GNA14: variants seen among roughly 807,000 people sequenced by gnomAD.
GNA14 encodes guanine nucleotide-binding protein subunit alpha-14.
Under a neutral mutation model 42.0 loss-of-function variants are expected in GNA14, and 50 were observed. The observed-to-expected ratio is 1.19, with a 90% CI of 0.95 to 1.51. The LOEUF (loss-of-function observed/expected upper bound fraction) is 1.51. Among genes scored for constraint, GNA14 ranks in the 40% most tolerant of loss-of-function variants. GNA14 has a pLI of 0.00. For synonymous variants in GNA14, 173 were observed against 163.1 expected (o/e 1.06, Z -0.46); for missense variants, 473 against 446.2 (o/e 1.06, Z -0.54).
intron 2 of GNA14, among the ~76,000 whole-genome samples, chr9:77,466,233 T>C (rs977163449): frequency 2.0e-5 from 3 of 152,224 alleles, no homozygotes; most frequent in African/African-American, 7.2e-5. Flanking sequence ...TTGTCCTGCA[T>C]TCCATATGCA....
intron 1 of GNA14, among the ~76,000 whole-genome samples, chr9:77,564,296 T>TAA (rs71358612): frequency 0.35 from 47,404 of 134,316 alleles, 9,070 homozygotes; most frequent in East Asian, 0.53. Flanking sequence ...CAGCACAATT[T>TAA]AAAAAAAAAA....
At chr9:77,580,551 G>C (rs1210688890) in intron 1 of GNA14, 1 of 495,870 alleles carries the variant, frequency 2.0e-6, no homozygotes, top group Non-Finnish European at 3.9e-6. Context: ...TCCACCAGAT[G>C]TTCCTATTAA....
intron 1 of GNA14, among the ~76,000 whole-genome samples, chr9:77,537,093 T>C (rs1837607503): frequency 6.6e-6 from 1 of 152,180 alleles, no homozygotes; most frequent in Non-Finnish European, 1.5e-5. Flanking sequence ...TTTCAAGTCC[T>C]CTCTTCTAGC....
At chr9:77,489,789 G>T in intron 2 of GNA14, among the ~76,000 whole-genome samples, 1 of 152,184 alleles carries the variant, frequency 6.6e-6, no homozygotes, top group East Asian at 1.9e-4. Flanking sequence ...TGAAGCTGCA[G>T]ATCTTCGTGG....
intron 1 of GNA14, among the ~76,000 whole-genome samples, chr9:77,595,534 G>A (rs1033211445): frequency 6.6e-6 from 1 of 152,150 alleles, no homozygotes; most frequent in African/African-American, 2.4e-5. Flanking sequence ...TTAGGAAGGG[G>A]CACCAGTGGG....
At chr9:77,569,892 C>T (rs976644065) in intron 1 of GNA14, among the ~76,000 whole-genome samples, 1 of 151,938 alleles carries the variant, frequency 6.6e-6, no homozygotes, top group Non-Finnish European at 1.5e-5. Context: ...TCAGCCTCCC[C>T]AACAGCTGGG....
intron 1 of GNA14, among the ~76,000 whole-genome samples, chr9:77,547,364 G>C (rs1337463197): frequency 1.3e-5 from 2 of 152,178 alleles, no homozygotes; most frequent in African/African-American, 4.8e-5. Flanking sequence ...TATCTTCAAA[G>C]GCTGTAATTA....
chr9:77,616,087 G>T (rs1823811653), intron 1 of GNA14, among the ~76,000 whole-genome samples: 1 of 152,108 alleles, frequency 6.6e-6, no homozygotes. Context: ...TTTATGTTGG[G>T]ATACAAGTAA....
At chr9:77,538,744 A>G (rs1837627000) in intron 1 of GNA14, among the ~76,000 whole-genome samples, 1 of 152,154 alleles carries the variant, frequency 6.6e-6, no homozygotes, top group Non-Finnish European at 1.5e-5. Flanking sequence ...CAATTGGTGT[A>G]TAGATATGGT....
chr9:77,493,739 T>C (rs1473813299), intron 2 of GNA14, among the ~76,000 whole-genome samples: 1 of 152,200 alleles, frequency 6.6e-6, no homozygotes, highest in Non-Finnish European at 1.5e-5. Flanking sequence ...CTTTGGGTTA[T>C]TATTTGTTTT....
At chr9:77,602,017 T>C (rs1823574905) in intron 1 of GNA14, among the ~76,000 whole-genome samples, 1 of 152,194 alleles carries the variant, frequency 6.6e-6, no homozygotes, top group African/African-American at 2.4e-5. Context: ...ATTCTGAGCA[T>C]TTTTCAACAG....
chr9:77,529,077 G>A lies in GNA14; in HGVS notation c.301C>T (p.Gln101Ter), dbSNP rs749990865. 1.2e-5 allele frequency: 20 copies of A among 1,613,930 alleles called. No homozygotes were observed. In the South Asian group the frequency reaches 2.1e-4, roughly 17 times the overall value. ...CTCCCTAAGCACGTTACCTTATTCT[G>A]TTCACACACATACTGTATCCTTAGC... ...DTLRIQYVCE[Q>*]NKENAQIIRE... The change falls in exon 2 of 7, where the codon CAG (glutamine) becomes TAG (stop). Residue 101 changes from glutamine (Q) to a stop codon, truncating the protein, a stop_gained. Transcript: ENST00000341700. LOFTEE classifies it high-confidence loss of function.
At chr9:77,525,742 G>T (rs569992323) in intron 2 of GNA14, among the ~76,000 whole-genome samples, 8 of 151,558 alleles carry the variant, frequency 5.3e-5, no homozygotes, top group African/African-American at 1.9e-4. Context: ...GTTTCACCGC[G>T]TTAGCCAGGA....
rs903956008 is a variant in GNA14 at position 77,423,578 on chromosome 9, A to G, written c.*401T>C. 6.5e-6 allele frequency: 1 copy of G among 152,806 alleles called. No individual in the cohort carries two copies. The highest frequency in any genetic ancestry group is 2.4e-5 in the African/African-American group (1 of 41,492). 9.5% of individuals were successfully genotyped at this position (152,806 alleles called of 1,614,324 possible). A position where few individuals can be genotyped will look rare whatever the true frequency, so the allele number is the denominator to read the frequency against. On this transcript the variant is annotated 3_prime_UTR_variant, in exon 7 of 7. Coordinates refer to ENST00000341700, the MANE Select transcript of GNA14 (RefSeq NM_004297.4). ...CCATTAACATTCTTATTTTTAAAAA[A>G]GTCACCCAAATTAACTCTAGAGGTT...
chr9:77,501,717 T>TTTC (rs905561462), intron 2 of GNA14, among the ~76,000 whole-genome samples: 1 of 149,278 alleles, frequency 6.7e-6, no homozygotes, highest in African/African-American at 2.5e-5. Context: ...TAATTTCTTT[T>TTTC]TTTTTTTTTT....
At chr9:77,519,367 C>T (rs542811823) in intron 2 of GNA14, among the ~76,000 whole-genome samples, 18 of 151,976 alleles carry the variant, frequency 1.2e-4, no homozygotes, top group South Asian at 6.3e-4. Context: ...GCCGAGATTG[C>T]GCCACTACAC....
chr9:77,549,757 C>G (rs1374618602), intron 1 of GNA14, among the ~76,000 whole-genome samples: 1 of 152,116 alleles, frequency 6.6e-6, no homozygotes, highest in Non-Finnish European at 1.5e-5. Flanking sequence ...TGGAGGACCT[C>G]ATTTCGGCCC....
intron 1 of GNA14, among the ~76,000 whole-genome samples, chr9:77,596,725 C>T (rs932253801): frequency 4.6e-5 from 7 of 152,170 alleles, no homozygotes; most frequent in Non-Finnish European, 7.4e-5. Context: ...CTGGGAACTG[C>T]TTAGGGCCAA....
chr9:77,647,649 G>A, intron 1 of GNA14, 21 bp downstream of exon 1: 2 of 1,602,200 alleles, frequency 1.2e-6, no homozygotes, highest in South Asian at 1.1e-5. Flanking sequence ...GCTCACTGGA[G>A]TCGGAGACGC....
Sources: gnomAD v4.1 joint callset for allele counts (sites outside exome capture counted in the v4.1 genomes callset) on GRCh38, gnomAD v4.1.1 for gene constraint, MANE v1.5 for transcripts, NCBI Gene and HGNC (gene_info 2026-07-23, HGNC 2026-07-21) for gene names.